ZC2HC1B: variants seen among roughly 807,000 people sequenced by gnomAD.
ZC2HC1B encodes the protein zinc finger C2HC-type containing 1B.
A neutral mutation model predicts 31.0 loss-of-function variants in ZC2HC1B; 36 were observed. That is an observed-to-expected ratio of 1.16 (90% CI 0.89 to 1.54). The LOEUF is 1.54. Ranked by LOEUF, ZC2HC1B falls within the 40% of genes most tolerant of loss-of-function variation. ZC2HC1B has a pLI of 0.00. For missense variants in ZC2HC1B, 260 were observed against 268.6 expected (o/e 0.97, Z 0.22); for synonymous variants, 73 against 88.0 (o/e 0.83, Z 0.95).
chr6:143,927,089 C>T (rs961291146), intron 6 of ZC2HC1B, among the ~76,000 whole-genome samples: 10 of 151,990 alleles, frequency 6.6e-5, no homozygotes, highest in East Asian at 1.9e-4. Flanking sequence ...TGAGCCACCG[C>T]GCCCGGCCCG....
chr6:143,884,224 A>G lies in ZC2HC1B; in HGVS notation c.29-80A>G. The G allele has an allele frequency of 1.6e-6, 2 of 1,290,080 alleles. No individual in the cohort carries two copies. Among genetic ancestry groups the G allele is most frequent in the South Asian group, 3.0e-5 (2 of 66,300 alleles). 79.9% of individuals were successfully genotyped at this position (1,290,080 alleles called of 1,614,324 possible). A position where few individuals can be genotyped will look rare whatever the true frequency, so the allele number is the denominator to read the frequency against. On this transcript the variant is annotated intron_variant, in intron 1 of 7. Coordinates refer to ENST00000237275, the MANE Select transcript of ZC2HC1B (RefSeq NM_001013623.3). The surrounding 1 kb of genome is among the most constrained non-coding windows in gnomAD (Gnocchi z 5.1). Reference sequence around the variant, plus strand: ...AGAGAGTGAGGATATCAAGCTATTGAGGTCACCTCCAGTCAGTCATTTCTT... The same window carrying G: ...AGAGAGTGAGGATATCAAGCTATTGGGGTCACCTCCAGTCAGTCATTTCTT...
chr6:143,882,335 TATATATATATATATATATATA>T (rs1777479217), intron 1 of ZC2HC1B, among the ~76,000 whole-genome samples: 1 of 48,226 alleles, frequency 2.1e-5, no homozygotes, highest in South Asian at 7.8e-4. Context: ...TTATATTTTT[TATATATATATATATATATATA>T]TATATATATA....
At chr6:143,937,108 G>A (rs963390367) in intron 6 of ZC2HC1B, among the ~76,000 whole-genome samples, 5 of 152,200 alleles carry the variant, frequency 3.3e-5, no homozygotes, top group African/African-American at 9.6e-5. Context: ...ACTAAGCCAT[G>A]GTGTGGTGTG....
intron 1 of ZC2HC1B, among the ~76,000 whole-genome samples, chr6:143,873,048 C>T (rs188938998): frequency 6.6e-6 from 1 of 152,230 alleles, no homozygotes; most frequent in East Asian, 1.9e-4. Context: ...AAGGCAAGTC[C>T]CTTCCACCTA....
At chr6:143,866,569 GCAGTTACCGCTTGT>G (rs1562334984) in intron 1 of ZC2HC1B, among the ~76,000 whole-genome samples, 1 of 152,204 alleles carries the variant, frequency 6.6e-6, no homozygotes, top group East Asian at 1.9e-4. Flanking sequence ...TGTCTGAAGT[GCAGTTACCGCTTGT>G]GTCTATTACC....
chr6:143,893,848 A>G (rs571562411), intron 4 of ZC2HC1B, among the ~76,000 whole-genome samples: 34 of 151,906 alleles, frequency 2.2e-4, no homozygotes, highest in South Asian at 4.2e-4. Context: ...CACCACACCC[A>G]GCTAATGTTT....
At chr6:143,931,058 T>C (rs1204195199) in intron 6 of ZC2HC1B, among the ~76,000 whole-genome samples, 1 of 152,190 alleles carries the variant, frequency 6.6e-6, no homozygotes, top group Non-Finnish European at 1.5e-5. Context: ...TTATATAATG[T>C]CTCTCTTTGT....
Position 143,923,251 on chromosome 6 carries a change from GT to G in ZC2HC1B, c.599-14391del, listed in dbSNP as rs537146258. The stretch of plus-strand genomic sequence containing the variant: ...TGCCCACTTTTTCATGGGATTATTA[GT>G]TTTTTTGCTGTTAAGTTGTTTGAAT... On this transcript the variant is annotated intron_variant, in intron 6 of 7. Coordinates refer to ENST00000237275, the MANE Select transcript of ZC2HC1B (RefSeq NM_001013623.3). This position sits in a 1 kb window ranked among gnomAD's most constrained non-coding sequence, Gnocchi z 4.8. 4.0e-5 allele frequency among the ~76,000 whole-genome samples: 6 copies of G among 151,604 alleles called. No individual in the cohort carries two copies. In the South Asian group the frequency reaches 6.2e-4, roughly 16 times the overall value.
Position 143,885,985 on chromosome 6 carries a change from C to T in ZC2HC1B, c.91-47C>T, listed in dbSNP as rs760718470. 3.4e-6 allele frequency: 5 copies of T among 1,471,172 alleles called. No individual in the cohort carries two copies. The highest frequency in any genetic ancestry group is 3.6e-6 in the Non-Finnish European group (4 of 1,112,200). The allele number at this position is 1,471,172 out of a possible 1,614,324, so 91.1% of individuals were successfully genotyped here. ...TCTAGGTACACCTAGGCATTAAAAA[C>T]TGATTGTGCACTTTAGAAATTCCAA... On this transcript the variant is annotated intron_variant, in intron 2 of 7. Coordinates refer to ENST00000237275, the MANE Select transcript of ZC2HC1B (RefSeq NM_001013623.3). This position sits in a 1 kb window ranked among gnomAD's most constrained non-coding sequence, Gnocchi z 4.2.
intron 6 of ZC2HC1B, among the ~76,000 whole-genome samples, chr6:143,931,723 T>G (rs1228512811): frequency 6.6e-6 from 1 of 152,200 alleles, no homozygotes; most frequent in East Asian, 1.9e-4. Flanking sequence ...TTTTCCTTTA[T>G]AGGTTACCTG....
chr6:143,934,564 C>G lies in ZC2HC1B; in HGVS notation c.599-3085C>G, dbSNP rs1048301566. Among the ~76,000 whole-genome samples, 3 of 152,194 alleles carry G rather than the reference C, an allele frequency of 2.0e-5. No individual in the cohort carries two copies. The highest frequency in any genetic ancestry group is 4.4e-5 in the Non-Finnish European group (3 of 68,026). ...GCCAATATCTCTGCATCTGGTGTAACAGTCACTTCTTCCAATTTTTGAATT... is the reference window on the plus strand; with the variant it reads ...GCCAATATCTCTGCATCTGGTGTAAGAGTCACTTCTTCCAATTTTTGAATT... On this transcript the variant is annotated intron_variant, in intron 6 of 7. Transcript: ENST00000237275. This position sits in a 1 kb window ranked among gnomAD's most constrained non-coding sequence, Gnocchi z 4.6.
chr6:143,886,168 C>T lies in ZC2HC1B; in HGVS notation c.210+17C>T. On this transcript the variant is annotated intron_variant, in intron 3 of 7. Coordinates refer to ENST00000237275, the MANE Select transcript of ZC2HC1B (RefSeq NM_001013623.3). This position sits in a 1 kb window ranked among gnomAD's most constrained non-coding sequence, Gnocchi z 4.2. ...CAATCCAAGGTACTCCTGATATCTT[C>T]TTTAGTGTTTGTTATTACATTCTGC... 1 of 1,509,684 alleles carries T rather than the reference C, an allele frequency of 6.6e-7. No homozygotes were observed. The highest frequency in any genetic ancestry group is 8.8e-7 in the Non-Finnish European group (1 of 1,133,056). The allele number at this position is 1,509,684 out of a possible 1,614,324, so 93.5% of individuals were successfully genotyped here. A position where few individuals can be genotyped will look rare whatever the true frequency, so the allele number is the denominator to read the frequency against.
At position 143,922,561 on chromosome 6, in the gene ZC2HC1B, A is replaced by G. The variant is rs1777995125; in HGVS notation, c.599-15088A>G. Reference sequence around the variant, plus strand: ...TCAACTTTTTTAGCTCCCACATATGAATGAGAACATGTGATATTTGTCTTT... The same window carrying G: ...TCAACTTTTTTAGCTCCCACATATGGATGAGAACATGTGATATTTGTCTTT... On this transcript the variant is annotated intron_variant, in intron 6 of 7. Transcript: ENST00000237275. The surrounding 1 kb of genome is among the most constrained non-coding windows in gnomAD (Gnocchi z 5.0). 6.6e-6 allele frequency among the ~76,000 whole-genome samples: 1 copy of G among 152,200 alleles called. No homozygotes were observed. The highest frequency in any genetic ancestry group is 1.5e-5 in the Non-Finnish European group (1 of 68,042).
chr6:143,925,536 C>CTTTTTTTTTTTTTT (rs36007959), intron 6 of ZC2HC1B, among the ~76,000 whole-genome samples: 1 of 104,960 alleles, frequency 9.5e-6, no homozygotes, highest in Non-Finnish European at 1.9e-5. Context: ...CTTTTCTTTT[C>CTTTTTTTTTTTTTT]TTTTTTTTTT....
Position 143,885,893 on chromosome 6 carries a change from C to G in ZC2HC1B, c.91-139C>G. The G allele has an allele frequency of 2.2e-6, 2 of 917,452 alleles. No individual in the cohort carries two copies. The highest frequency in any genetic ancestry group is 3.9e-5 in the Admixed American group (1 of 25,408). The allele number at this position is 917,452 out of a possible 1,614,324, so 56.8% of individuals were successfully genotyped here. ...ATGAGAAGAGCCAGATGGATTTGCT[C>G]TGCTGTGACCTGTTAGAGAATGAAC... On this transcript the variant is annotated intron_variant, in intron 2 of 7. Coordinates refer to ENST00000237275, the MANE Select transcript of ZC2HC1B (RefSeq NM_001013623.3). This position sits in a 1 kb window ranked among gnomAD's most constrained non-coding sequence, Gnocchi z 4.2.
At position 143,918,633 on chromosome 6, in the gene ZC2HC1B, T is replaced by G; in HGVS notation, c.598+15481T>G. ...AAATCTGGCAAGTTTTCAGCCATTATTTCTCTCTGCTCTTTTCTCTCTCTG... is the reference window on the plus strand; with the variant it reads ...AAATCTGGCAAGTTTTCAGCCATTAGTTCTCTCTGCTCTTTTCTCTCTCTG... On this transcript the variant is annotated intron_variant, in intron 6 of 7. Coordinates refer to ENST00000237275, the MANE Select transcript of ZC2HC1B (RefSeq NM_001013623.3). The surrounding 1 kb of genome is among the most constrained non-coding windows in gnomAD (Gnocchi z 4.1). 6.6e-6 allele frequency among the ~76,000 whole-genome samples: 1 copy of G among 152,214 alleles called. No individual in the cohort carries two copies. Among genetic ancestry groups the G allele is most frequent in the East Asian group, 1.9e-4 (1 of 5,200 alleles).
chr6:143,898,827 C>T lies in ZC2HC1B; in HGVS notation c.489+136C>T, dbSNP rs549688342. 8.1e-5 allele frequency: 92 copies of T among 1,132,062 alleles called. 1 individual carries two copies. Among genetic ancestry groups the T allele is most frequent in the Non-Finnish European group, 1.0e-4 (83 of 824,014 alleles). 70.1% of individuals were successfully genotyped at this position (1,132,062 alleles called of 1,614,324 possible). On this transcript the variant is annotated intron_variant, in intron 5 of 7. Transcript: ENST00000237275. ...AGAGAGCTGATCATGATTGCTCACC[C>T]CTGTGGGAGCTGACTTCTTTTGCAG...
At chr6:143,866,066 C>T (rs536309208) in intron 1 of ZC2HC1B, among the ~76,000 whole-genome samples, 14 of 152,332 alleles carry the variant, frequency 9.2e-5, no homozygotes, top group Admixed American at 2.6e-4. Flanking sequence ...CCGCCCGCCT[C>T]GGCCTCCCAA....
At chr6:143,927,547 C>T (rs1778067467) in intron 6 of ZC2HC1B, among the ~76,000 whole-genome samples, 1 of 152,072 alleles carries the variant, frequency 6.6e-6, no homozygotes, top group African/African-American at 2.4e-5. Flanking sequence ...TCCAATCATC[C>T]ATTGATGGTT....
Sources: gnomAD v4.1 joint callset for allele counts (sites outside exome capture counted in the v4.1 genomes callset) on GRCh38, gnomAD v4.1.1 for gene constraint, Gnocchi (gnomAD v3.1) non-coding constraint, MANE v1.5 for transcripts, NCBI Gene and HGNC (gene_info 2026-07-23, HGNC 2026-07-21) for gene names.